PDZD2: variants seen among roughly 807,000 people sequenced by gnomAD.
PDZD2 encodes the protein PDZ domain containing 2, also known as PDZ domain-containing protein 2.
In PDZD2, 90 loss-of-function variants were observed where a neutral mutation model predicts 220.7. That is an observed-to-expected ratio of 0.41 (90% confidence interval 0.34 to 0.49). PDZD2 has a LOEUF of 0.49. Among genes scored for constraint, PDZD2 ranks in the 20% least tolerant of loss-of-function variants. PDZD2 has a pLI of 0.28. For missense variants in PDZD2, 3,174 were observed against 3,608.5 expected (o/e 0.88, Z 3.08); for synonymous variants, 1,375 against 1,450.5 (o/e 0.95, Z 1.18).
intron 2 of PDZD2, among the ~76,000 whole-genome samples, chr5:31,976,714 CTTTTTTT>C (rs869280921): frequency 1.0e-5 from 1 of 99,720 alleles, no homozygotes; most frequent in Non-Finnish European, 1.9e-5. Context: ...TTTCTTCTTT[CTTTTTTT>C]TTTTTTTTTT....
chr5:31,701,233 A>G (rs188521620), intron 1 of PDZD2, among the ~76,000 whole-genome samples: 261 of 152,052 alleles, frequency 1.7e-3, no homozygotes, highest in African/African-American at 5.9e-3. Context: ...GTCTCGCTCT[A>G]TTACCCAGGC....
At chr5:32,025,306 A>C (rs1449616666) in intron 6 of PDZD2, among the ~76,000 whole-genome samples, 1 of 152,046 alleles carries the variant, frequency 6.6e-6, no homozygotes, top group Non-Finnish European at 1.5e-5. Flanking sequence ...AGGGCGGATC[A>C]CCTGAGGTCA....
At chr5:31,704,717 C>A (rs937377166) in intron 1 of PDZD2, among the ~76,000 whole-genome samples, 1 of 152,150 alleles carries the variant, frequency 6.6e-6, no homozygotes, top group African/African-American at 2.4e-5. Flanking sequence ...AAATCAAATT[C>A]CCTTTTACAT....
chr5:31,989,143 A>G (rs992328157), intron 3 of PDZD2, among the ~76,000 whole-genome samples: 7 of 152,194 alleles, frequency 4.6e-5, no homozygotes, highest in African/African-American at 1.7e-4. Context: ...TAACGTGCCC[A>G]TCACCTGAAT....
At chr5:31,903,026 A>G (rs2150359801) in intron 2 of PDZD2, among the ~76,000 whole-genome samples, 1 of 152,282 alleles carries the variant, frequency 6.6e-6, no homozygotes, top group South Asian at 2.1e-4. Flanking sequence ...AAAAAGTCCT[A>G]CAACTTGAAA....
At chr5:31,790,066 T>G (rs1422303609) in intron 1 of PDZD2, among the ~76,000 whole-genome samples, 1 of 152,216 alleles carries the variant, frequency 6.6e-6, no homozygotes, top group African/African-American at 2.4e-5. Context: ...AACTCCTTGT[T>G]TATGGCCTTC....
At chr5:32,028,455 A>G (rs976326148) in intron 6 of PDZD2, among the ~76,000 whole-genome samples, 2 of 152,162 alleles carry the variant, frequency 1.3e-5, no homozygotes, top group African/African-American at 2.4e-5. Context: ...GTCTAGTGCA[A>G]CTTTTCAGAG....
intron 1 of PDZD2, among the ~76,000 whole-genome samples, chr5:31,789,544 G>A (rs2150218405): frequency 6.6e-6 from 1 of 152,330 alleles, no homozygotes; most frequent in Non-Finnish European, 1.5e-5. Flanking sequence ...GTGTTATGTG[G>A]TCTTCTCCAT....
At chr5:31,657,135 A>T (rs1051724992) in intron 1 of PDZD2, 1 of 152,230 alleles carries the variant, frequency 6.6e-6, no homozygotes, top group African/African-American at 2.4e-5. Flanking sequence ...CAGCAAAGAA[A>T]AGCACATTGT....
intron 1 of PDZD2, among the ~76,000 whole-genome samples, chr5:31,740,857 G>A (rs1375736147): frequency 6.6e-6 from 1 of 152,034 alleles, no homozygotes; most frequent in African/African-American, 2.4e-5. Context: ...ATTTCTTTGG[G>A]GCATTGTCCT....
At chr5:31,689,354 T>TATATATATATATATATATATATATA (rs1554063278) in intron 1 of PDZD2, among the ~76,000 whole-genome samples, 3 of 27,214 alleles carry the variant, frequency 1.1e-4, no homozygotes, top group African/African-American at 7.9e-4. Flanking sequence ...TATATATATA[T>TATATATATATATATATATATATATA]TTTTTTTTTT....
At chr5:32,094,411 T>A (rs1022649516) in intron 21 of PDZD2, among the ~76,000 whole-genome samples, 2 of 152,218 alleles carry the variant, frequency 1.3e-5, no homozygotes, top group African/African-American at 4.8e-5. Flanking sequence ...AGTGGTAGTA[T>A]ACCTGGGTCA....
chr5:32,064,172 C>T (rs893353519), intron 14 of PDZD2, among the ~76,000 whole-genome samples: 53 of 152,158 alleles, frequency 3.5e-4, no homozygotes, highest in African/African-American at 1.3e-3. Context: ...GCAAGCTCAA[C>T]TCAACCCAAT....
chr5:31,767,504 A>C (rs1460064410), intron 1 of PDZD2, among the ~76,000 whole-genome samples: 1 of 152,208 alleles, frequency 6.6e-6, no homozygotes, highest in East Asian at 1.9e-4. Context: ...GCTGCTGTAT[A>C]CCTGTTCCTC....
At chr5:31,750,757 A>G (rs1372344968) in intron 1 of PDZD2, among the ~76,000 whole-genome samples, 1 of 152,180 alleles carries the variant, frequency 6.6e-6, no homozygotes, top group Non-Finnish European at 1.5e-5. Flanking sequence ...CATTCCCACC[A>G]GTGAGAGGGG....
chr5:31,817,195 A>AG (rs1042480575), intron 2 of PDZD2, among the ~76,000 whole-genome samples: 3 of 149,684 alleles, frequency 2.0e-5, no homozygotes, highest in Admixed American at 6.7e-5. Flanking sequence ...CAAAAAAAAA[A>AG]AAAAAAAGCA....
chr5:31,849,396 T>C (rs1300937769), intron 2 of PDZD2, among the ~76,000 whole-genome samples: 3 of 152,164 alleles, frequency 2.0e-5, no homozygotes, highest in African/African-American at 7.2e-5. Context: ...AAAAATGAGA[T>C]AATCTAAATA....
chr5:31,879,911 CTT>C (rs568407359), intron 2 of PDZD2, among the ~76,000 whole-genome samples: 28 of 124,150 alleles, frequency 2.3e-4, no homozygotes, highest in African/African-American at 3.4e-4. Context: ...CAATACCTGC[CTT>C]TTTTTTTTTT....
chr5:32,030,833 A>G (rs997297264), intron 6 of PDZD2, among the ~76,000 whole-genome samples: 3 of 151,970 alleles, frequency 2.0e-5, no homozygotes, highest in Non-Finnish European at 4.4e-5. Context: ...CCCCCTTGGT[A>G]TTTCTCATAT....
Sources: allele counts gnomAD v4.1 joint callset (sites outside exome capture counted in the v4.1 genomes callset), GRCh38; gene constraint gnomAD v4.1.1; transcripts MANE v1.5; gene names NCBI Gene and HGNC (gene_info 2026-07-23, HGNC 2026-07-21).